Variants in WWOX observed in about 807,000 individuals in gnomAD.
The protein encoded by WWOX is WW domain-containing oxidoreductase.
In WWOX, 69 loss-of-function variants were observed where a neutral mutation model predicts 46.2. That is an observed-to-expected ratio of 1.49 (90% confidence interval 1.23 to 1.82). WWOX has a LOEUF of 1.82. WWOX is among the 40% of genes most tolerant of loss of function. WWOX has a pLI of 0.00. For missense variants in WWOX, 919 were observed against 542.6 expected, an observed-to-expected ratio of 1.69 and a Z score of -6.89; for synonymous variants, 359 against 202.6, an observed-to-expected ratio of 1.77 and a Z score of -6.56.
At position 78,350,458 on chromosome 16, in the gene WWOX, T is replaced by A. The variant is rs889609745; in HGVS notation, c.517-36402T>A. On this transcript the variant is annotated intron_variant, in intron 5 of 8. Transcript: ENST00000566780. ...TTTCCCCACTTCCTTTTCTCTCCAC[T>A]CCCAACCTCTCTCCCAGCTCCAGGT... is the stretch of plus-strand genomic sequence containing the variant. 1.2e-4 allele frequency among the ~76,000 whole-genome samples: 15 copies of A among 120,482 alleles called. 3 individuals are homozygous for A. The highest frequency in any genetic ancestry group is 4.2e-4 in the African/African-American group (15 of 35,570). 79.0% of individuals were successfully genotyped at this position (120,482 alleles called of 152,430 possible).
chr16:78,554,423 G>A (rs1377535638), intron 8 of WWOX, among the ~76,000 whole-genome samples: 1 of 152,166 alleles, frequency 6.6e-6, no homozygotes, highest in Non-Finnish European at 1.5e-5. Flanking sequence ...TGGGTTTTAA[G>A]CTCCATACAG....
intron 8 of WWOX, among the ~76,000 whole-genome samples, chr16:79,190,697 C>T (rs867900898): frequency 2.0e-5 from 3 of 152,200 alleles, no homozygotes; most frequent in Non-Finnish European, 4.4e-5. Flanking sequence ...AACTACAGTT[C>T]ATGGACCAAA....
intron 8 of WWOX, among the ~76,000 whole-genome samples, chr16:78,661,905 G>A (rs1041288751): frequency 1.3e-5 from 2 of 152,182 alleles, no homozygotes; most frequent in South Asian, 2.1e-4. Flanking sequence ...TCAGCTGGGC[G>A]TGGTGATATG....
At position 78,178,879 on chromosome 16, in the gene WWOX, G is replaced by T. The variant is rs1001201518; in HGVS notation, c.516+14590G>T. On this transcript the variant is annotated intron_variant, in intron 5 of 8. Transcript: ENST00000566780. ...ATTCCGTCTCAAAAAAAAAAAAAAA[G>T]TAATCATTTTAGAATTGCTTTCTCT... Among the ~76,000 whole-genome samples the T allele has an allele frequency of 5.1e-5, 7 of 137,172 alleles. No homozygotes were observed. In the East Asian group the frequency reaches 1.3e-3, roughly 26 times the overall value. 90.0% of individuals were successfully genotyped at this position (137,172 alleles called of 152,430 possible).
At chr16:79,008,244 T>C (rs1170933583) in intron 8 of WWOX, among the ~76,000 whole-genome samples, 1 of 152,180 alleles carries the variant, frequency 6.6e-6, no homozygotes, top group East Asian at 1.9e-4. Flanking sequence ...ACAACATGAC[T>C]GTTGGCTTCT....
intron 8 of WWOX, among the ~76,000 whole-genome samples, chr16:78,519,952 A>C (rs1407691429): frequency 6.6e-6 from 1 of 152,238 alleles, no homozygotes; most frequent in Non-Finnish European, 1.5e-5. Flanking sequence ...AGTTTCACCT[A>C]ATAAAACATG....
At chr16:78,714,561 A>G (rs1033878292) in intron 8 of WWOX, among the ~76,000 whole-genome samples, 34 of 152,130 alleles carry the variant, frequency 2.2e-4, no homozygotes, top group African/African-American at 8.2e-4. Context: ...GCAGCCATCT[A>G]TATTCAAGAC....
At chr16:78,944,303 T>C (rs760864684) in intron 8 of WWOX, among the ~76,000 whole-genome samples, 1 of 152,180 alleles carries the variant, frequency 6.6e-6, no homozygotes, top group Non-Finnish European at 1.5e-5. Flanking sequence ...CTCTACCACA[T>C]TGAATTGGAA....
intron 5 of WWOX, among the ~76,000 whole-genome samples, chr16:78,169,271 C>G (rs999186020): frequency 1.3e-5 from 2 of 152,194 alleles, no homozygotes; most frequent in East Asian, 1.9e-4. Flanking sequence ...GCAGTGGACT[C>G]TCTTTTATTT....
At position 78,249,784 on chromosome 16, in the gene WWOX, C is replaced by G. The variant is rs921577799; in HGVS notation, c.516+85495C>G. On this transcript the variant is annotated intron_variant, in intron 5 of 8. Transcript: ENST00000566780. ...TTGAAAGCCTCAAACTAGAACGTGGCTTTTGAACGGTGAACATTCCACAAA... is the reference window on the plus strand; with the variant it reads ...TTGAAAGCCTCAAACTAGAACGTGGGTTTTGAACGGTGAACATTCCACAAA... Among the ~76,000 whole-genome samples, 4 of 132,594 alleles carry G rather than the reference C, an allele frequency of 3.0e-5. No individual in the cohort carries two copies. In the East Asian group the frequency reaches 1.0e-3, roughly 34 times the overall value. The allele number at this position is 132,594 out of a possible 152,430, so 87.0% of individuals were successfully genotyped here. A position where few individuals can be genotyped will look rare whatever the true frequency, so the allele number is the denominator to read the frequency against.
chr16:78,195,780 C>G (rs1247069014), intron 5 of WWOX, among the ~76,000 whole-genome samples: 2 of 144,584 alleles, frequency 1.4e-5, no homozygotes, highest in East Asian at 4.1e-4. Flanking sequence ...TGAGATCGCA[C>G]CACTGCACTC....
intron 8 of WWOX, among the ~76,000 whole-genome samples, chr16:78,908,554 G>A (rs974874985): frequency 1.3e-4 from 16 of 120,118 alleles, no homozygotes; most frequent in Non-Finnish European, 2.3e-4. Context: ...AAAAAAAAAA[G>A]AGTTTAATTC....
At chr16:78,103,576 C>A (rs865808928) in intron 1 of WWOX, among the ~76,000 whole-genome samples, 1 of 152,034 alleles carries the variant, frequency 6.6e-6, no homozygotes, top group South Asian at 2.1e-4. Flanking sequence ...CCCGACATTC[C>A]CTTGATCTCT....
chr16:79,109,563 T>C (rs965954987), intron 8 of WWOX, among the ~76,000 whole-genome samples: 7 of 152,198 alleles, frequency 4.6e-5, no homozygotes, highest in Non-Finnish European at 1.0e-4. Context: ...TATTCAAAAG[T>C]GGAGAGCAAT....
intron 8 of WWOX, among the ~76,000 whole-genome samples, chr16:78,527,299 T>TC (rs1298935597): frequency 1.3e-5 from 2 of 149,910 alleles, no homozygotes; most frequent in African/African-American, 2.4e-5. Context: ...TTTCTTTCTT[T>TC]TTTTTTTTTT....
intron 8 of WWOX, among the ~76,000 whole-genome samples, chr16:79,177,262 C>T (rs973145507): frequency 2.6e-5 from 4 of 152,142 alleles, no homozygotes; most frequent in African/African-American, 7.2e-5. Flanking sequence ...GACTGAAAAG[C>T]GACTGTCATT....
intron 8 of WWOX, among the ~76,000 whole-genome samples, chr16:78,517,223 T>A (rs1397954171): frequency 6.6e-6 from 1 of 152,226 alleles, no homozygotes; most frequent in African/African-American, 2.4e-5. Flanking sequence ...CATCTATTAT[T>A]AAGTTACCTT....
At chr16:78,363,146 TTGTG>T (rs60731117) in intron 5 of WWOX, among the ~76,000 whole-genome samples, 3 of 150,766 alleles carry the variant, frequency 2.0e-5, no homozygotes, top group Admixed American at 6.6e-5. Context: ...GTGTATGTGT[TTGTG>T]TGTGTGTGTG....
At chr16:79,136,419 C>T (rs780010354) in intron 8 of WWOX, among the ~76,000 whole-genome samples, 4 of 151,942 alleles carry the variant, frequency 2.6e-5, no homozygotes, top group African/African-American at 9.7e-5. Flanking sequence ...TTAGTAGAGA[C>T]GGGATTTTAC....
Sources: gnomAD v4.1 joint callset for allele counts (sites outside exome capture counted in the v4.1 genomes callset) on GRCh38, gnomAD v4.1.1 for gene constraint, MANE v1.5 for transcripts, NCBI Gene and HGNC (gene_info 2026-07-23, HGNC 2026-07-21) for gene names.